ARMC12: variants seen among roughly 807,000 people sequenced by gnomAD.
ARMC12 encodes armadillo repeat-containing protein 12.
ARMC12 carries 25 observed loss-of-function variants against 37.4 expected under a neutral mutation model. The ratio of observed to expected loss-of-function variants is 0.67; its 90% CI spans 0.49 to 0.93. The LOEUF (loss-of-function observed/expected upper bound fraction) is 0.93, where lower values mean the gene tolerates loss of function less well. ARMC12 is among the 40% of genes least tolerant of loss of function. ARMC12 has a pLI of 0.00. For missense variants in ARMC12, 384 were observed against 426.6 expected (o/e 0.90, Z 0.88); for synonymous variants, 167 against 176.1 (o/e 0.95, Z 0.41).
chr6:35,744,471 T>A (rs1767276755), intron 3 of ARMC12, among the ~76,000 whole-genome samples: 1 of 152,100 alleles, frequency 6.6e-6, no homozygotes, highest in Non-Finnish European at 1.5e-5. Flanking sequence ...ACATATCTGA[T>A]AAAGGACTCA....
intron 1 of ARMC12, 149 bp downstream of exon 1, chr6:35,737,420 C>T (rs917843377): frequency 1.6e-5 from 26 of 1,595,150 alleles, no homozygotes; most frequent in South Asian, 6.7e-5. Flanking sequence ...CACCCTGCAG[C>T]GTCCTAGGCA....
chr6:35,743,981 T>C (rs1767257272), intron 3 of ARMC12, among the ~76,000 whole-genome samples: 1 of 151,816 alleles, frequency 6.6e-6, no homozygotes, highest in Non-Finnish European at 1.5e-5. Flanking sequence ...AGAAAATCTT[T>C]TGAGATGTTG....
chr6:35,733,310 C>T (rs1215910669), upstream of ARMC12, among the ~76,000 whole-genome samples: 1 of 152,216 alleles, frequency 6.6e-6, no homozygotes, highest in Non-Finnish European at 1.5e-5. Flanking sequence ...TGCCTGCCCA[C>T]GCCCCACATG....
chr6:35,738,884 G>A (rs1162063605), intron 3 of ARMC12, among the ~76,000 whole-genome samples: 2 of 152,094 alleles, frequency 1.3e-5, no homozygotes, highest in Non-Finnish European at 2.9e-5. Context: ...CAGGTTAAGG[G>A]CTGAGTCCCC....
At chr6:35,741,153 C>G (rs558357050) in intron 3 of ARMC12, among the ~76,000 whole-genome samples, 2 of 152,206 alleles carry the variant, frequency 1.3e-5, no homozygotes, top group Non-Finnish European at 2.9e-5. Flanking sequence ...TGGTCTCTTT[C>G]GTGAATACTC....
chr6:35,744,944 A>G (rs1439360338), intron 3 of ARMC12, among the ~76,000 whole-genome samples: 1 of 152,248 alleles, frequency 6.6e-6, no homozygotes, highest in Non-Finnish European at 1.5e-5. Flanking sequence ...CTATTAGAAG[A>G]TCTAAAATCA....
At chr6:35,747,960 G>A (rs1174377033) in intron 5 of ARMC12, among the ~76,000 whole-genome samples, 1 of 152,132 alleles carries the variant, frequency 6.6e-6, no homozygotes, top group Admixed American at 6.6e-5. Context: ...CATTATTAGG[G>A]ATAGAAAAGG....
chr6:35,734,838 T>C (rs1336793558), upstream of ARMC12, among the ~76,000 whole-genome samples: 3 of 152,010 alleles, frequency 2.0e-5, no homozygotes, highest in African/African-American at 7.2e-5. Flanking sequence ...AAAACAATTA[T>C]TCCCAAGAAA....
chr6:35,741,861 A>T (rs1767178050), intron 3 of ARMC12, among the ~76,000 whole-genome samples: 1 of 152,148 alleles, frequency 6.6e-6, no homozygotes, highest in Admixed American at 6.5e-5. Context: ...ACAGAAAAAA[A>T]TACCTAGAGA....
intron 3 of ARMC12, among the ~76,000 whole-genome samples, chr6:35,741,195 G>C (rs1017867286): frequency 6.6e-6 from 1 of 152,046 alleles, no homozygotes; most frequent in Non-Finnish European, 1.5e-5. Flanking sequence ...CATTTGCATT[G>C]TTTCCAGGTG....
At chr6:35,742,520 A>AT (rs1767205561) in intron 3 of ARMC12, among the ~76,000 whole-genome samples, 1 of 149,660 alleles carries the variant, frequency 6.7e-6, no homozygotes, top group Non-Finnish European at 1.5e-5. Context: ...AAAAAAAAAA[A>AT]GCCCAGGGAG....
rs1401979666 is a variant in ARMC12 at position 35,738,025 on chromosome 6, A to G, written c.164-2A>G. The G allele has an allele frequency of 6.2e-7, 1 of 1,612,772 alleles. No homozygotes were observed. The highest frequency in any genetic ancestry group is 1.7e-5 in the Admixed American group (1 of 60,010). On this transcript the variant is annotated splice_acceptor_variant, in intron 1 of 5. Coordinates refer to ENST00000373866, the MANE Select transcript of ARMC12 (RefSeq NM_001286574.2). LOFTEE classifies it high-confidence loss of function. ...CTGAACTGGGCTGGGGTGGCTGTCTAGGCCTGGCAGTCGAGCGAGAGCGGC... is the reference window on the plus strand; with the variant it reads ...CTGAACTGGGCTGGGGTGGCTGTCTGGGCCTGGCAGTCGAGCGAGAGCGGC...
At chr6:35,746,568 G>A (rs1767343205) in intron 3 of ARMC12, among the ~76,000 whole-genome samples, 2 of 152,246 alleles carry the variant, frequency 1.3e-5, no homozygotes, top group South Asian at 4.1e-4. Context: ...GGAGACAGGA[G>A]GCTATTGCAG....
intron 3 of ARMC12, among the ~76,000 whole-genome samples, chr6:35,743,122 C>G (rs1260768484): frequency 6.6e-6 from 1 of 152,126 alleles, no homozygotes; most frequent in East Asian, 1.9e-4. Flanking sequence ...CTCACTTCCA[C>G]TCCAGGACTC....
At chr6:35,739,227 G>T (rs1767092962) in intron 3 of ARMC12, among the ~76,000 whole-genome samples, 1 of 152,098 alleles carries the variant, frequency 6.6e-6, no homozygotes, top group Admixed American at 6.6e-5. Flanking sequence ...TTTTATTTCT[G>T]TAACCGGTTA....
intron 3 of ARMC12, among the ~76,000 whole-genome samples, chr6:35,745,461 G>C (rs1022824913): frequency 6.6e-6 from 1 of 152,152 alleles, no homozygotes; most frequent in Non-Finnish European, 1.5e-5. Flanking sequence ...TGGTTGCCTG[G>C]GCTTTGGGCT....
chr6:35,740,742 A>T (rs1767137964), intron 3 of ARMC12, among the ~76,000 whole-genome samples: 1 of 152,094 alleles, frequency 6.6e-6, no homozygotes, highest in South Asian at 2.1e-4. Flanking sequence ...TGCATATTCT[A>T]GCAGGGCATA....
intron 5 of ARMC12, among the ~76,000 whole-genome samples, chr6:35,748,225 AAC>A (rs1266007584): frequency 2.0e-5 from 3 of 152,168 alleles, no homozygotes; most frequent in Non-Finnish European, 4.4e-5. Flanking sequence ...ACATACTCAG[AAC>A]AGTCTACAAG....
intron 3 of ARMC12, among the ~76,000 whole-genome samples, chr6:35,739,725 C>CA (rs1478527165): frequency 6.6e-6 from 1 of 152,212 alleles, no homozygotes; most frequent in Non-Finnish European, 1.5e-5. Context: ...ACCACGCAGT[C>CA]AGTACTGAAA....
Sources: gnomAD v4.1 joint callset for allele counts (sites outside exome capture counted in the v4.1 genomes callset) on GRCh38, gnomAD v4.1.1 for gene constraint, MANE v1.5 for transcripts, NCBI Gene and HGNC (gene_info 2026-07-23, HGNC 2026-07-21) for gene names.